Variants in CABIN1 observed in about 807,000 individuals in gnomAD.
CABIN1 encodes the protein calcineurin binding protein 1.
CABIN1 carries 133 observed loss-of-function variants against 227.7 expected under a neutral mutation model. That is an observed-to-expected ratio of 0.58 (90% confidence interval 0.51 to 0.67). The LOEUF (loss-of-function observed/expected upper bound fraction) is 0.67, where lower values mean the gene tolerates loss of function less well. CABIN1 is among the 30% of genes least tolerant of loss of function. The pLI is 0.00. For missense variants in CABIN1, 2,408 were observed against 2,852.5 expected, an observed-to-expected ratio of 0.84 and a Z score of 3.55; for synonymous variants, 1,086 against 1,155.1, an observed-to-expected ratio of 0.94 and a Z score of 1.21.
At chr22:24,104,577 C>T (rs1355850095) in intron 26 of CABIN1, among the ~76,000 whole-genome samples, 3 of 152,202 alleles carry the variant, frequency 2.0e-5, no homozygotes, top group Non-Finnish European at 2.9e-5. Flanking sequence ...CACACAATGC[C>T]GTCATGCCCA....
At chr22:24,160,938 G>A (rs1236266273) in intron 29 of CABIN1, among the ~76,000 whole-genome samples, 1 of 152,212 alleles carries the variant, frequency 6.6e-6, no homozygotes, top group Admixed American at 6.5e-5. Context: ...GTCTTCGTGG[G>A]TTCCCAAATC....
chr22:24,167,368 T>C, intron 32 of CABIN1, 55 bp downstream of exon 32: 1 of 1,550,128 alleles, frequency 6.5e-7, no homozygotes, highest in Non-Finnish European at 8.8e-7. Flanking sequence ...ATCCCCACTC[T>C]TGCCTTTCTA....
At chr22:24,142,714 A>G (rs1256223974) in intron 29 of CABIN1, among the ~76,000 whole-genome samples, 1 of 152,164 alleles carries the variant, frequency 6.6e-6, no homozygotes, top group African/African-American at 2.4e-5. Context: ...TCTCCACTCA[A>G]TTCCTGGTGC....
At chr22:24,140,998 TG>T (rs1171332559) in intron 29 of CABIN1, among the ~76,000 whole-genome samples, 9 of 152,240 alleles carry the variant, frequency 5.9e-5, no homozygotes, top group African/African-American at 1.9e-4. Context: ...GTAAGCAGAG[TG>T]GTCCCGACAG....
At chr22:24,081,509 C>G (rs569540947) in intron 19 of CABIN1, among the ~76,000 whole-genome samples, 4 of 152,142 alleles carry the variant, frequency 2.6e-5, no homozygotes, top group Non-Finnish European at 5.9e-5. Flanking sequence ...TTTCTCCCCC[C>G]ACCTTTTAAA....
intron 15 of CABIN1, 67 bp downstream of exon 15, chr22:24,064,254 G>A (rs1445191510): frequency 1.3e-6 from 2 of 1,556,586 alleles, no homozygotes; most frequent in African/African-American, 1.4e-5. Context: ...CGCCTAGGCT[G>A]GAGTGTAATA....
rs562896958 is a variant in CABIN1 at position 24,126,159 on chromosome 22, C to G, written c.4632+6461C>G. ...TTTTCTGTGCATCTCTGCAGGTTCA[C>G]TCATTCAGCAGCTGTCTACTGAGTG... On this transcript the variant is annotated intron_variant, in intron 28 of 36. Transcript: ENST00000263119. Among the ~76,000 whole-genome samples, 78 of 152,342 alleles carry G rather than the reference C, an allele frequency of 5.1e-4. 1 individual carries two copies. The highest frequency in any genetic ancestry group is 2.2e-3 in the Admixed American group (33 of 15,304).
At position 24,014,695 on chromosome 22, in the gene CABIN1, G is replaced by A. The variant is rs551548229; in HGVS notation, c.-75+3328G>A. On this transcript the variant is annotated intron_variant, in intron 1 of 36. Coordinates refer to ENST00000263119, the MANE Select transcript of CABIN1 (RefSeq NM_012295.4). ...CCTAGCTGATTTTAGTTGTTTTTGC[G>A]GTATGAATTATGACTGATTTCTGAG... Among the ~76,000 whole-genome samples the A allele has an allele frequency of 1.6e-3, 246 of 152,096 alleles. 5 individuals are homozygous for A. The Middle Eastern group carries it at 0.024, about 15-fold the overall frequency.
chr22:24,164,165 A>G (rs1029517814), intron 29 of CABIN1, among the ~76,000 whole-genome samples: 2 of 152,220 alleles, frequency 1.3e-5, no homozygotes, highest in African/African-American at 2.4e-5. Context: ...GCAGCCATAC[A>G]AAAGAGGAGG....
intron 29 of CABIN1, among the ~76,000 whole-genome samples, chr22:24,142,309 C>T (rs528103055): frequency 6.6e-6 from 1 of 152,152 alleles, no homozygotes; most frequent in Admixed American, 6.5e-5. Flanking sequence ...CTCCCAAAAC[C>T]TCTCCTAGCT....
chr22:24,066,080 T>A (rs559617447), intron 15 of CABIN1, among the ~76,000 whole-genome samples: 1 of 152,320 alleles, frequency 6.6e-6, no homozygotes, highest in African/African-American at 2.4e-5. Flanking sequence ...TTAAATGGTA[T>A]TTTTTAGTCA....
In CABIN1 at chr22:24,113,670, A is replaced by G. The variant is rs1569234055; in HGVS notation, c.4222A>G (p.Thr1408Ala). 1 of 1,614,140 alleles carries G rather than the reference A, an allele frequency of 6.2e-7. No homozygotes were observed. The highest frequency in any genetic ancestry group is 8.5e-7 in the Non-Finnish European group (1 of 1,180,032). Reference protein sequence around the residue: ...SLLEGSRKSYTEKRLPILSSQ... With the variant: ...SLLEGSRKSYAEKRLPILSSQ... Reference sequence around the variant, plus strand: ...ACTGGAAGGCTCCAGGAAATCCTACACAGAGAAGAGGCTGCCCATTCTCAG... The same window carrying G: ...ACTGGAAGGCTCCAGGAAATCCTACGCAGAGAAGAGGCTGCCCATTCTCAG... The change falls in exon 27 of 37, where the codon ACA (threonine) becomes GCA (alanine). Residue 1408 changes from threonine to alanine, a missense_variant. Coordinates refer to ENST00000263119, the MANE Select transcript of CABIN1 (RefSeq NM_012295.4).
intron 1 of CABIN1, among the ~76,000 whole-genome samples, chr22:24,013,077 T>G (rs2034952041): frequency 6.6e-6 from 1 of 151,592 alleles, no homozygotes; most frequent in Non-Finnish European, 1.5e-5. Flanking sequence ...GCTTTTTTTT[T>G]TTTAAAAGCT....
chr22:24,172,140 C>T (rs1291565543), intron 34 of CABIN1, 145 bp downstream of exon 34: 13 of 958,344 alleles, frequency 1.4e-5, no homozygotes, highest in Middle Eastern at 6.6e-4. Flanking sequence ...CAGGTGACCG[C>T]GGGTCCACTC....
rs2046396636 is a variant in CABIN1, at chr22:24,165,539, G to C, written c.4920G>C (p.Leu1640=). Reference sequence around the variant, plus strand: ...CCCTGTATGACCGCAGGAAGTATCTGCGAGATGCTGACCGCCAGGTCCTGG... The same window carrying C: ...CCCTGTATGACCGCAGGAAGTATCTCCGAGATGCTGACCGCCAGGTCCTGG... ...QRTPDQGKKY[L]RDADRQVLAQ... is the part of the protein sequence containing the mutation. The change falls in exon 31 of 37, where the codon CTG becomes CTC. Residue 1640 remains leucine (L), a synonymous_variant. Transcript: ENST00000263119. 1 of 1,612,700 alleles carries C rather than the reference G, an allele frequency of 6.2e-7. No homozygotes were observed. Among genetic ancestry groups the C allele is most frequent in the Admixed American group, 1.7e-5 (1 of 59,942 alleles).
At chr22:24,018,246 G>C (rs1249930283) in intron 1 of CABIN1, among the ~76,000 whole-genome samples, 2 of 151,834 alleles carry the variant, frequency 1.3e-5, no homozygotes, top group Admixed American at 6.6e-5. Context: ...CAATTTGTTA[G>C]CTTTTAATTT....
chr22:24,143,644 T>TGGGGGCCTGGC (rs2148367047), intron 29 of CABIN1, among the ~76,000 whole-genome samples: 1 of 151,894 alleles, frequency 6.6e-6, no homozygotes, highest in East Asian at 1.9e-4. Context: ...TGGCAGAGAG[T>TGGGGGCCTGGC]AGCGGCCCAT....
At chr22:24,155,972 G>A in intron 29 of CABIN1, 2 of 541,996 alleles carry the variant, frequency 3.7e-6, no homozygotes, top group Non-Finnish European at 6.4e-6. Flanking sequence ...GGCCGCGCCT[G>A]CCCCGCCCCG....
intron 25 of CABIN1, 99 bp downstream of exon 25, chr22:24,096,181 T>A: frequency 1.5e-6 from 2 of 1,353,872 alleles, no homozygotes; most frequent in Non-Finnish European, 2.1e-6. Context: ...TGCTACACAG[T>A]AAACAGTAAA....
Sources: gnomAD v4.1 joint callset for allele counts (sites outside exome capture counted in the v4.1 genomes callset) on GRCh38, gnomAD v4.1.1 for gene constraint, MANE v1.5 for transcripts, NCBI Gene and HGNC (gene_info 2026-07-23, HGNC 2026-07-21) for gene names.